The following PUDP variants were observed in gnomAD, a reference collection of about 807,000 sequenced individuals.
The protein encoded by PUDP is pseudouridine 5'-phosphatase, also known as pseudouridine-5'-phosphatase.
In PUDP, 8 loss-of-function variants were observed where a neutral mutation model predicts 9.4. The ratio of observed to expected loss-of-function variants is 0.85; its 90% CI spans 0.50 to 1.53. The LOEUF (loss-of-function observed/expected upper bound fraction) is 1.53, where lower values mean the gene tolerates loss of function less well. PUDP is among the 40% of genes most tolerant of loss of function. The pLI is 0.00. For missense variants in PUDP, 188 were observed against 189.7 expected (o/e 0.99, Z 0.05); for synonymous variants, 99 against 80.7 (o/e 1.23, Z -1.22).
intron 1 of PUDP, chrX:6,989,349 G>A (rs1929145426): frequency 7.9e-6 from 1 of 126,254 alleles, no homozygotes; most frequent in African/African-American, 3.2e-5. Flanking sequence ...TTGTAAAAAT[G>A]GAGAAGACCA....
At chrX:6,845,970 A>G (rs760071687) in intron 3 of PUDP, among the ~76,000 whole-genome samples, 1 of 112,036 alleles carries the variant, frequency 8.9e-6, no homozygotes, top group Admixed American at 9.5e-5. Context: ...ATTTTAAAAT[A>G]TGTACAGCAC....
chrX:6,891,491 T>C (rs1325213748), intron 3 of PUDP, among the ~76,000 whole-genome samples: 1 of 112,135 alleles, frequency 8.9e-6, no homozygotes, highest in Non-Finnish European at 1.9e-5. Flanking sequence ...CTGGAACCTA[T>C]TTGATAGCTG....
intron 3 of PUDP, among the ~76,000 whole-genome samples, chrX:6,738,040 AAGG>A (rs1437808746): frequency 2.7e-5 from 3 of 111,584 alleles, no homozygotes; most frequent in Non-Finnish European, 5.6e-5. Flanking sequence ...TATGAAAAAA[AAGG>A]AGTAGATGAA....
chrX:6,940,369 C>G (rs1341229399), intron 3 of PUDP, among the ~76,000 whole-genome samples: 1 of 112,561 alleles, frequency 8.9e-6, no homozygotes, highest in Admixed American at 9.4e-5. Flanking sequence ...TTTCTGGACA[C>G]TTAGAGAAAA....
intron 3 of PUDP, among the ~76,000 whole-genome samples, chrX:6,953,006 T>C (rs1928578259): frequency 8.9e-6 from 1 of 111,751 alleles, no homozygotes; most frequent in Non-Finnish European, 1.9e-5. Flanking sequence ...ACTAGAGTTA[T>C]AGGTTTTGGG....
At chrX:6,937,102 G>A (rs1402126408) in intron 3 of PUDP, among the ~76,000 whole-genome samples, 5 of 97,019 alleles carry the variant, frequency 5.2e-5, no homozygotes, top group Admixed American at 1.2e-4. Flanking sequence ...AGCTACCAAT[G>A]ACTTTCTTCA....
At chrX:7,009,402 T>C (rs1408313634) in intron 1 of PUDP, among the ~76,000 whole-genome samples, 4 of 112,019 alleles carry the variant, frequency 3.6e-5, no homozygotes, top group African/African-American at 1.3e-4. Flanking sequence ...CTAAGGTAGT[T>C]TGAAGAAAAC....
chrX:7,099,685 G>C (rs1242400111), intron 2 of PUDP, among the ~76,000 whole-genome samples: 1 of 112,230 alleles, frequency 8.9e-6, no homozygotes, highest in African/African-American at 3.2e-5. Context: ...TTAGTGGCTA[G>C]ACTGGCCCAG....
chrX:7,095,548 G>C (rs748047708), intron 2 of PUDP, among the ~76,000 whole-genome samples: 5 of 111,959 alleles, frequency 4.5e-5, no homozygotes, highest in Admixed American at 9.4e-5. Context: ...CAACACCCTG[G>C]GTAGATCTAA....
At chrX:6,762,905 T>G (rs1925243623) in intron 3 of PUDP, among the ~76,000 whole-genome samples, 1 of 111,814 alleles carries the variant, frequency 8.9e-6, no homozygotes, top group African/African-American at 3.3e-5. Flanking sequence ...AAAAATAATT[T>G]CAGGTTCTAC....
chrX:6,991,263 T>C (rs1356994482), intron 1 of PUDP, among the ~76,000 whole-genome samples: 1 of 111,810 alleles, frequency 8.9e-6, no homozygotes, highest in South Asian at 3.8e-4. Context: ...GAGTCTCTTT[T>C]AAGATTTTTT....
intron 3 of PUDP, among the ~76,000 whole-genome samples, chrX:6,798,433 A>C (rs1925878084): frequency 8.9e-6 from 1 of 111,979 alleles, no homozygotes; most frequent in African/African-American, 3.2e-5. Flanking sequence ...GTTACAATGC[A>C]TAATCTCTTC....
At chrX:7,066,170 A>C (rs1930547535) in intron 3 of PUDP, among the ~76,000 whole-genome samples, 1 of 111,828 alleles carries the variant, frequency 8.9e-6, no homozygotes, top group Non-Finnish European at 1.9e-5. Flanking sequence ...CAGTGAACAC[A>C]GTATCATTAC....
At chrX:7,060,592 T>C (rs1930372901) in intron 3 of PUDP, among the ~76,000 whole-genome samples, 1 of 112,092 alleles carries the variant, frequency 8.9e-6, no homozygotes, top group South Asian at 3.7e-4. Flanking sequence ...TGGACACCTA[T>C]CTTCAGAGCA....
At chrX:6,927,478 T>C (rs1928123626) in intron 3 of PUDP, among the ~76,000 whole-genome samples, 1 of 112,094 alleles carries the variant, frequency 8.9e-6, no homozygotes, top group Admixed American at 9.5e-5. Flanking sequence ...GTTGTCCCAG[T>C]GCTAAGATGC....
At chrX:6,795,042 A>AT (rs1237783703) in intron 3 of PUDP, among the ~76,000 whole-genome samples, 34 of 104,619 alleles carry the variant, frequency 3.2e-4, no homozygotes, top group Non-Finnish European at 4.3e-4. Flanking sequence ...TCCATCTTTA[A>AT]TTTTTTTTTA....
chrX:6,864,738 T>C (rs983489766), intron 3 of PUDP, among the ~76,000 whole-genome samples: 2 of 111,937 alleles, frequency 1.8e-5, no homozygotes, highest in African/African-American at 6.5e-5. Context: ...CTTCCATCTT[T>C]GAAGCCAGCA....
intron 3 of PUDP, among the ~76,000 whole-genome samples, chrX:6,853,646 C>G (rs1268879878): frequency 9.0e-6 from 1 of 111,641 alleles, no homozygotes; most frequent in East Asian, 2.8e-4. Context: ...CAGTCCCTCA[C>G]TCCCGAGGAC....
At chrX:7,131,554 C>G (rs1191706068) in intron 1 of PUDP, among the ~76,000 whole-genome samples, 1 of 109,760 alleles carries the variant, frequency 9.1e-6, no homozygotes, top group Non-Finnish European at 1.9e-5. Context: ...AAACGCAGCC[C>G]TGCTGATATC....
Sources: allele counts gnomAD v4.1 joint callset (sites outside exome capture counted in the v4.1 genomes callset), GRCh38; gene constraint gnomAD v4.1.1; transcripts MANE v1.5; gene names NCBI Gene and HGNC (gene_info 2026-07-23, HGNC 2026-07-21).